CCNY: variants seen among roughly 807,000 people sequenced by gnomAD.
CCNY encodes the protein cyclin Y, also known as cyclin-Y.
Under a neutral mutation model 42.8 loss-of-function variants are expected in CCNY, and 19 were observed. That is an observed-to-expected ratio of 0.44 (90% CI 0.31 to 0.65). The LOEUF (loss-of-function observed/expected upper bound fraction) is 0.65, where lower values mean the gene tolerates loss of function less well. Among genes scored for constraint, CCNY ranks in the 30% least tolerant of loss-of-function variants. CCNY has a pLI of 0.07. For synonymous variants in CCNY, 165 were observed against 162.7 expected (o/e 1.01, Z -0.11); for missense variants, 370 against 437.3 (o/e 0.85, Z 1.37).
intron 1 of CCNY, among the ~76,000 whole-genome samples, chr10:35,423,868 T>C (rs1838211654): frequency 6.6e-6 from 1 of 152,186 alleles, no homozygotes; most frequent in African/African-American, 2.4e-5. Context: ...TTTCACCTAA[T>C]AGAAATTATA....
chr10:35,348,197 T>C (rs1310630578), intron 1 of CCNY, among the ~76,000 whole-genome samples: 1 of 152,246 alleles, frequency 6.6e-6, no homozygotes, highest in Non-Finnish European at 1.5e-5. Context: ...GCTGATGTTA[T>C]TGAAGAGTTA....
In CCNY at chr10:35,500,630, A is replaced by G. The variant is rs1172072609; in HGVS notation, c.230-871A>G. 2.6e-5 allele frequency among the ~76,000 whole-genome samples: 4 copies of G among 152,210 alleles called. No individual in the cohort carries two copies. The East Asian group carries it at 7.7e-4, about 29-fold the overall frequency. On this transcript the variant is annotated intron_variant, in intron 2 of 9. Transcript: ENST00000374704. The stretch of plus-strand genomic sequence containing the variant: ...CCTATTCTTCATGTCTTTTACAGTA[A>G]CGAATAAATGTGTTGATGGATTCAT...
At chr10:35,534,350 A>C (rs57993772) in intron 7 of CCNY, among the ~76,000 whole-genome samples, 9,054 of 152,216 alleles carry the variant, frequency 0.059, 806 homozygotes, top group African/African-American at 0.19. Flanking sequence ...GGGACAGAAA[A>C]AAACTCGTCA....
At chr10:35,311,970 A>G (rs539235271) in intron 3 of CCNY, among the ~76,000 whole-genome samples, 1 of 152,234 alleles carries the variant, frequency 6.6e-6, no homozygotes, top group African/African-American at 2.4e-5. Flanking sequence ...TGGGCAACAG[A>G]GCAAGACTCT....
At chr10:35,372,165 G>A (rs1226952039) in intron 1 of CCNY, among the ~76,000 whole-genome samples, 2 of 152,184 alleles carry the variant, frequency 1.3e-5, no homozygotes. Context: ...AATGAAAGGA[G>A]TCACTCTGGA....
chr10:35,312,382 C>CAAAAA (rs35909291), intron 3 of CCNY, among the ~76,000 whole-genome samples: 1 of 61,462 alleles, frequency 1.6e-5, no homozygotes, highest in African/African-American at 6.2e-5. Flanking sequence ...CTCTGTGTCA[C>CAAAAA]AAAAAAAAAA....
At chr10:35,470,902 T>C (rs1839378948) in intron 1 of CCNY, among the ~76,000 whole-genome samples, 1 of 152,240 alleles carries the variant, frequency 6.6e-6, no homozygotes, top group Admixed American at 6.5e-5. Context: ...CTTTGTTGAT[T>C]TCATAATTGC....
chr10:35,501,644 G>A, intron 3 of CCNY, 109 bp downstream of exon 3: 2 of 950,220 alleles, frequency 2.1e-6, no homozygotes, highest in East Asian at 2.4e-5. Context: ...TAGATACTTG[G>A]AAGAATGTTG....
chr10:35,515,554 G>GGGCAGGTCA (rs1840410576), intron 3 of CCNY, among the ~76,000 whole-genome samples: 1 of 152,092 alleles, frequency 6.6e-6, no homozygotes, highest in Admixed American at 6.5e-5. Flanking sequence ...TGTTGCAGGC[G>GGGCAGGTCA]GGCAGGTCAG....
intron 9 of CCNY, among the ~76,000 whole-genome samples, chr10:35,567,825 C>T (rs1298095960): frequency 6.6e-6 from 1 of 152,164 alleles, no homozygotes; most frequent in Non-Finnish European, 1.5e-5. Context: ...CAGCCATGCC[C>T]CTGTGATTGT....
chr10:35,412,817 C>T (rs546824807), intron 1 of CCNY, among the ~76,000 whole-genome samples: 25 of 141,532 alleles, frequency 1.8e-4, no homozygotes, highest in Admixed American at 1.3e-3. Context: ...GCCGAGATCA[C>T]GCCACTGCAC....
chr10:35,356,708 G>C (rs1836558097), intron 1 of CCNY, among the ~76,000 whole-genome samples: 1 of 152,168 alleles, frequency 6.6e-6, no homozygotes, highest in Non-Finnish European at 1.5e-5. Flanking sequence ...ACTGGGCTTT[G>C]TAGTTGCAAC....
intron 1 of CCNY, among the ~76,000 whole-genome samples, chr10:35,443,129 G>A (rs1302210600): frequency 6.6e-6 from 1 of 152,208 alleles, no homozygotes; most frequent in Non-Finnish European, 1.5e-5. Flanking sequence ...ACTGGAAGTT[G>A]CTCTGGGTGA....
chr10:35,491,768 C>G (rs1464590441), intron 2 of CCNY, among the ~76,000 whole-genome samples: 1 of 152,064 alleles, frequency 6.6e-6, no homozygotes, highest in South Asian at 2.1e-4. Context: ...TGCCTGCCCC[C>G]ACACCTGGCT....
intron 1 of CCNY, among the ~76,000 whole-genome samples, chr10:35,400,746 G>A (rs1837625827): frequency 6.6e-6 from 1 of 152,102 alleles, no homozygotes; most frequent in African/African-American, 2.4e-5. Context: ...TCCTCCCCCG[G>A]GATTGTAACT....
chr10:35,451,457 TG>T lies in CCNY; in HGVS notation c.155-31945del, dbSNP rs1370622247. 2.0e-5 allele frequency among the ~76,000 whole-genome samples: 3 copies of T among 152,280 alleles called. No individual in the cohort carries two copies. In the South Asian group the frequency reaches 6.2e-4, roughly 32 times the overall value. ...TGTCGTCTTAAAATGACTGGAAAGT[TG>T]GTGATGAACAGAAGGCTTATTTTGA... On this transcript the variant is annotated intron_variant, in intron 1 of 9. Coordinates refer to ENST00000374704, the MANE Select transcript of CCNY (RefSeq NM_145012.6).
chr10:35,383,929 T>C (rs1351470707), intron 1 of CCNY, among the ~76,000 whole-genome samples: 1 of 152,000 alleles, frequency 6.6e-6, no homozygotes, highest in African/African-American at 2.4e-5. Context: ...AATTGTATTA[T>C]GCATTGTGGG....
intron 3 of CCNY, among the ~76,000 whole-genome samples, chr10:35,311,441 C>T (rs1019924568): frequency 6.6e-6 from 1 of 152,164 alleles, no homozygotes; most frequent in Non-Finnish European, 1.5e-5. Flanking sequence ...CTTTGGGAGG[C>T]TGAGGCGGGT....
intron 1 of CCNY, among the ~76,000 whole-genome samples, chr10:35,356,111 G>A (rs1010737389): frequency 1.3e-5 from 2 of 152,154 alleles, no homozygotes; most frequent in African/African-American, 4.8e-5. Flanking sequence ...GCACACTCTG[G>A]CTTAGCTGCA....
Sources: allele counts gnomAD v4.1 joint callset (sites outside exome capture counted in the v4.1 genomes callset), GRCh38; gene constraint gnomAD v4.1.1; transcripts MANE v1.5; gene names NCBI Gene and HGNC (gene_info 2026-07-23, HGNC 2026-07-21).